Variants in EPS15 observed in about 807,000 individuals in gnomAD.
The protein encoded by EPS15 is epidermal growth factor receptor pathway substrate 15.
Under a neutral mutation model 113.8 loss-of-function variants are expected in EPS15, and 72 were observed. The ratio of observed to expected loss-of-function variants is 0.63; its 90% CI spans 0.52 to 0.77. EPS15 has a LOEUF of 0.77. EPS15 is among the 30% of genes least tolerant of loss of function. The probability of loss-of-function intolerance (pLI) is 0.00; values close to 1 mark genes in which losing one functional copy is unlikely to be tolerated. For missense variants in EPS15, 1,048 were observed against 1,045.8 expected (o/e 1.00, Z -0.03); for synonymous variants, 344 against 363.4 (o/e 0.95, Z 0.61).
intron 19 of EPS15, among the ~76,000 whole-genome samples, chr1:51,399,474 C>G (rs1300861660): frequency 1.3e-5 from 2 of 150,098 alleles, no homozygotes; most frequent in South Asian, 4.2e-4. Flanking sequence ...CTCACTTGAA[C>G]CTGTGAGGCA....
chr1:51,416,217 C>G (rs1379810425), intron 13 of EPS15, among the ~76,000 whole-genome samples: 1 of 152,088 alleles, frequency 6.6e-6, no homozygotes, highest in Non-Finnish European at 1.5e-5. Context: ...TGGGAACATC[C>G]TTTCCTGGGT....
At chr1:51,389,581 G>C (rs1409545277) in intron 21 of EPS15, among the ~76,000 whole-genome samples, 1 of 130,492 alleles carries the variant, frequency 7.7e-6, no homozygotes, top group Non-Finnish European at 1.7e-5. Flanking sequence ...CACTGTCTCA[G>C]CCCAAAATCT....
intron 1 of EPS15, among the ~76,000 whole-genome samples, chr1:51,513,544 G>A (rs1644663518): frequency 6.6e-6 from 1 of 152,150 alleles, no homozygotes; most frequent in Non-Finnish European, 1.5e-5. Flanking sequence ...AAACTGGCAA[G>A]AATGGCTGCC....
chr1:51,413,528 CT>C lies in EPS15; in HGVS notation c.1114-3833del, dbSNP rs375846343. 1.1e-3 allele frequency among the ~76,000 whole-genome samples: 166 copies of C among 152,254 alleles called. 1 individual carries two copies. The highest frequency in any genetic ancestry group is 3.9e-3 in the African/African-American group (164 of 41,548). ...CTGACAGAAAGAAAAGACTTACATT[CT>C]TTTTACATAATGTGAAACACTTCAC... On this transcript the variant is annotated intron_variant, in intron 13 of 24. Transcript: ENST00000371733.
intron 12 of EPS15, among the ~76,000 whole-genome samples, chr1:51,439,478 G>A (rs746412876): frequency 1.8e-4 from 27 of 151,644 alleles, no homozygotes; most frequent in Non-Finnish European, 3.4e-4. Flanking sequence ...GTGTTGTGAG[G>A]GTTAAAAAAA....
intron 21 of EPS15, among the ~76,000 whole-genome samples, chr1:51,368,792 G>A (rs977875173): frequency 6.6e-6 from 1 of 151,918 alleles, no homozygotes; most frequent in Non-Finnish European, 1.5e-5. Flanking sequence ...TAGTAGAGAC[G>A]GGGTTTCACT....
chr1:51,471,386 C>G (rs1249601843), intron 4 of EPS15, among the ~76,000 whole-genome samples: 5 of 152,182 alleles, frequency 3.3e-5, no homozygotes, highest in Admixed American at 1.3e-4. Flanking sequence ...CATCTTAACA[C>G]TTACTTAATA....
Position 51,440,406 on chromosome 1 carries a change from T to A in EPS15, c.981A>T (p.Ala327=). The change falls in exon 12 of 25, where the codon GCA becomes GCT. Residue 327 remains alanine (A), a synonymous_variant. Transcript: ENST00000371733. ...CTAGTTCCTTAATAGCAGAGAAATC[T>A]GCAACAGGACTTGATCCTATGATGT... ...QKNIIGSSPV[A]DFSAIKELDT... 6.3e-7 allele frequency: 1 copy of A among 1,589,332 alleles called. No individual in the cohort carries two copies.
chr1:51,394,503 C>A (rs1557796366), intron 20 of EPS15, 56 bp from the exon 21 acceptor site: 4 of 933,196 alleles, frequency 4.3e-6, no homozygotes, highest in East Asian at 5.0e-5. Context: ...CAGCTGAAAC[C>A]TCATCACCAC....
chr1:51,429,488 G>T (rs527475569), intron 12 of EPS15, among the ~76,000 whole-genome samples: 1 of 151,356 alleles, frequency 6.6e-6, no homozygotes, highest in African/African-American at 2.4e-5. Context: ...AAAAATTAAT[G>T]AAAAAAAAGT....
intron 21 of EPS15, among the ~76,000 whole-genome samples, chr1:51,388,340 T>C (rs926222519): frequency 6.6e-6 from 1 of 152,208 alleles, no homozygotes; most frequent in African/African-American, 2.4e-5. Flanking sequence ...GGGAAATTTA[T>C]AGCACTAAAT....
intron 12 of EPS15, among the ~76,000 whole-genome samples, chr1:51,438,431 A>G (rs1217531551): frequency 1.3e-5 from 2 of 152,214 alleles, no homozygotes; most frequent in Non-Finnish European, 2.9e-5. Flanking sequence ...GTAACAAATA[A>G]TGTTTTCAAC....
chr1:51,356,791 T>A lies in EPS15; in HGVS notation c.2600A>T (p.Glu867Val), dbSNP rs1436332213. The A allele has an allele frequency of 1.2e-6, 2 of 1,613,594 alleles. No homozygotes were observed. Among genetic ancestry groups the A allele is most frequent in the African/African-American group, 2.7e-5 (2 of 74,926 alleles). The change falls in exon 25 of 25, where the codon GAA (glutamate) becomes GTA (valine). Residue 867 changes from glutamate to valine, a missense_variant. Glu to Val is a moderately radical substitution (Grantham distance 121). Transcript: ENST00000371733. ...EWAKRESERE[E>V]EQRLARLNQQ... is the part of the protein sequence containing the mutation. Reference sequence around the variant, plus strand: ...ATTTAGTCGGGCAAGCCTCTGCTCTTCCTCTCTCTCACTTTCCCTCTTGGC... The same window carrying A: ...ATTTAGTCGGGCAAGCCTCTGCTCTACCTCTCTCTCACTTTCCCTCTTGGC...
Position 51,376,088 on chromosome 1 carries a change from C to G in EPS15, c.2120-10059G>C, listed in dbSNP as rs77987156. On this transcript the variant is annotated intron_variant, in intron 21 of 24. Transcript: ENST00000371733. The stretch of plus-strand genomic sequence containing the variant: ...GTCTTCTACTGGAAGAAAATGCCAT[C>G]TACAACTGTCATAGCTAAAGAGAAG... Among the ~76,000 whole-genome samples the G allele has an allele frequency of 8.7e-3, 1,330 of 152,340 alleles. 10 individuals carry two copies. The highest frequency in any genetic ancestry group is 0.041 in the Middle Eastern group (12 of 294).
At chr1:51,357,427 T>TATATATA (rs57828043) in intron 24 of EPS15, among the ~76,000 whole-genome samples, 19 of 44,610 alleles carry the variant, frequency 4.3e-4, no homozygotes, top group African/African-American at 2.0e-3. Context: ...TATATATATA[T>TATATATA]TTTTTTTTTT....
At chr1:51,483,398 A>AGAGTGT (rs536200172) in intron 1 of EPS15, among the ~76,000 whole-genome samples, 1 of 141,694 alleles carries the variant, frequency 7.1e-6, no homozygotes, top group African/African-American at 2.6e-5. Context: ...CAAGACTGCA[A>AGAGTGT]GTGTGTGTGT....
chr1:51,437,767 G>T (rs896691321), intron 12 of EPS15, among the ~76,000 whole-genome samples: 1 of 152,050 alleles, frequency 6.6e-6, no homozygotes, highest in Non-Finnish European at 1.5e-5. Context: ...ACAGGCATCA[G>T]CTATCGCGCC....
intron 1 of EPS15, among the ~76,000 whole-genome samples, chr1:51,518,835 G>T (rs1644781325): frequency 6.6e-6 from 1 of 151,836 alleles, no homozygotes; most frequent in Non-Finnish European, 1.5e-5. Flanking sequence ...GATGCGTGCG[G>T]CCCTGTGGGA....
intron 2 of EPS15, among the ~76,000 whole-genome samples, chr1:51,479,014 G>A (rs1052035428): frequency 6.6e-6 from 1 of 152,130 alleles, no homozygotes; most frequent in Non-Finnish European, 1.5e-5. Context: ...GCCTTGCTAG[G>A]TTGGGTAAGT....
Sources: allele counts gnomAD v4.1 joint callset (sites outside exome capture counted in the v4.1 genomes callset), GRCh38; gene constraint gnomAD v4.1.1; transcripts MANE v1.5; gene names NCBI Gene and HGNC (gene_info 2026-07-23, HGNC 2026-07-21).